ALK: variants seen among roughly 807,000 people sequenced by gnomAD.
ALK encodes the protein ALK receptor tyrosine kinase, also known as ALK tyrosine kinase receptor.
Under a neutral mutation model 163.1 loss-of-function variants are expected in ALK, and 74 were observed. That is an observed-to-expected ratio of 0.45 (90% CI 0.38 to 0.55). The LOEUF (loss-of-function observed/expected upper bound fraction) is 0.55, where lower values mean the gene tolerates loss of function less well. ALK is among the 20% of genes least tolerant of loss of function. The pLI is 0.00. For missense variants in ALK, 2,063 were observed against 2,105.3 expected (o/e 0.98, Z 0.39); for synonymous variants, 960 against 843.2 (o/e 1.14, Z -2.40).
chr2:29,611,389 C>T (rs1251771937), intron 3 of ALK, among the ~76,000 whole-genome samples: 4 of 152,132 alleles, frequency 2.6e-5, no homozygotes, highest in South Asian at 2.1e-4. Context: ...CTACTATGTG[C>T]CCATCAAAAA....
intron 1 of ALK, among the ~76,000 whole-genome samples, chr2:29,865,069 T>C (rs1255824834): frequency 6.6e-6 from 1 of 152,208 alleles, no homozygotes; most frequent in African/African-American, 2.4e-5. Flanking sequence ...AGCAGAACTC[T>C]GCTGCCAACA....
At chr2:29,741,568 G>C (rs894060809) in intron 1 of ALK, among the ~76,000 whole-genome samples, 6 of 152,154 alleles carry the variant, frequency 3.9e-5, no homozygotes, top group African/African-American at 1.4e-4. Flanking sequence ...TGGAATAAGA[G>C]GTCAGATCCA....
At chr2:29,477,504 C>A (rs1026214734) in intron 4 of ALK, among the ~76,000 whole-genome samples, 1 of 152,100 alleles carries the variant, frequency 6.6e-6, no homozygotes, top group African/African-American at 2.4e-5. Flanking sequence ...GTCAGGAAGT[C>A]CCCACCCTCA....
intron 23 of ALK, 77 bp downstream of exon 23, chr2:29,220,629 G>C (rs2148166052): frequency 2.5e-6 from 4 of 1,603,538 alleles, no homozygotes; most frequent in Non-Finnish European, 3.4e-6. Context: ...TGCTACCCAG[G>C]CTGCCCACTC....
At chr2:29,604,307 C>T (rs187553696) in intron 3 of ALK, among the ~76,000 whole-genome samples, 116 of 152,080 alleles carry the variant, frequency 7.6e-4, no homozygotes, top group Non-Finnish European at 1.4e-3. Flanking sequence ...CATTCATTTA[C>T]GTATGGTCTA....
At chr2:29,306,732 A>G (rs1666519876) in intron 8 of ALK, among the ~76,000 whole-genome samples, 1 of 152,172 alleles carries the variant, frequency 6.6e-6, no homozygotes, top group African/African-American at 2.4e-5. Flanking sequence ...TATTTATGGG[A>G]AATAACGCTT....
chr2:29,640,052 A>C (rs1676656989), intron 3 of ALK, among the ~76,000 whole-genome samples: 2 of 152,196 alleles, frequency 1.3e-5, no homozygotes, highest in African/African-American at 4.8e-5. Context: ...CAACTACAGA[A>C]GAAGAAGCTC....
chr2:29,827,030 GT>G (rs1558505978), intron 1 of ALK, among the ~76,000 whole-genome samples: 1 of 152,204 alleles, frequency 6.6e-6, no homozygotes, highest in African/African-American at 2.4e-5. Flanking sequence ...CCAAATCCAA[GT>G]GTCAGAGACT....
At chr2:29,750,998 A>G (rs1305095654) in intron 1 of ALK, among the ~76,000 whole-genome samples, 7 of 152,150 alleles carry the variant, frequency 4.6e-5, no homozygotes, top group African/African-American at 1.2e-4. Context: ...TGAAGCCAGG[A>G]GGCAGAGGTT....
chr2:29,497,647 C>A (rs1035362653), intron 4 of ALK, among the ~76,000 whole-genome samples: 1 of 152,254 alleles, frequency 6.6e-6, no homozygotes, highest in South Asian at 2.1e-4. Flanking sequence ...TGTGTCCAGG[C>A]GCTGCATTCC....
At chr2:29,721,954 C>G (rs947031035) in intron 1 of ALK, among the ~76,000 whole-genome samples, 4 of 152,254 alleles carry the variant, frequency 2.6e-5, no homozygotes, top group Admixed American at 6.5e-5. Context: ...ATTGTCTTCA[C>G]TACTCCACCT....
At chr2:29,811,423 G>A (rs974810116) in intron 1 of ALK, among the ~76,000 whole-genome samples, 104 of 152,142 alleles carry the variant, frequency 6.8e-4, no homozygotes, top group African/African-American at 2.4e-3. Context: ...ATAATGTCAA[G>A]CTTATCTCCA....
chr2:29,533,537 A>G (rs1673172725), intron 3 of ALK, among the ~76,000 whole-genome samples: 1 of 151,470 alleles, frequency 6.6e-6, no homozygotes, highest in Admixed American at 6.6e-5. Context: ...TCAGCCTAAA[A>G]CATGGCCAAG....
chr2:29,522,446 C>T (rs1672839822), intron 4 of ALK, among the ~76,000 whole-genome samples: 1 of 152,124 alleles, frequency 6.6e-6, no homozygotes, highest in Non-Finnish European at 1.5e-5. Flanking sequence ...ACGTGAATTC[C>T]TATCTGGGAT....
At chr2:29,330,623 T>C (rs1667410446) in intron 5 of ALK, among the ~76,000 whole-genome samples, 1 of 152,100 alleles carries the variant, frequency 6.6e-6, no homozygotes, top group African/African-American at 2.4e-5. Context: ...CCCGTGAAAA[T>C]GTTACCTATG....
chr2:29,307,816 G>A (rs1231767758), intron 8 of ALK, among the ~76,000 whole-genome samples: 1 of 152,212 alleles, frequency 6.6e-6, no homozygotes, highest in African/African-American at 2.4e-5. Context: ...GCAAATGCTT[G>A]CAATTATGGA....
intron 2 of ALK, among the ~76,000 whole-genome samples, chr2:29,697,379 G>A (rs1678599055): frequency 6.6e-6 from 1 of 152,136 alleles, no homozygotes; most frequent in African/African-American, 2.4e-5. Context: ...CCATGCCCTG[G>A]GATGTTTTGT....
At chr2:29,688,303 C>A (rs765580674) in intron 3 of ALK, among the ~76,000 whole-genome samples, 1 of 152,132 alleles carries the variant, frequency 6.6e-6, no homozygotes, top group Non-Finnish European at 1.5e-5. Flanking sequence ...ACATCAGGAA[C>A]GTTGGGGCCA....
rs948917059 is a variant in ALK, at chr2:29,404,156, T to C, written c.1155-20297A>G. On this transcript the variant is annotated intron_variant, in intron 4 of 28. Transcript: ENST00000389048. The stretch of plus-strand genomic sequence containing the variant: ...CCATCTCTACTAAAAATACAAAAAT[T>C]AGCCAGGCATGGTGGCACATGGCTG... Among the ~76,000 whole-genome samples the C allele has an allele frequency of 2.0e-5, 3 of 151,888 alleles. No individual in the cohort carries two copies. The East Asian group carries it at 5.8e-4, about 29-fold the overall frequency.
Sources: allele counts gnomAD v4.1 joint callset (sites outside exome capture counted in the v4.1 genomes callset), GRCh38; gene constraint gnomAD v4.1.1; transcripts MANE v1.5; gene names NCBI Gene and HGNC (gene_info 2026-07-23, HGNC 2026-07-21).